Variants in SLC9A9 observed in about 807,000 individuals in gnomAD.
SLC9A9 encodes the protein sodium/hydrogen exchanger 9.
Under a neutral mutation model 77.8 loss-of-function variants are expected in SLC9A9, and 62 were observed. The observed-to-expected ratio is 0.80, with a 90% confidence interval of 0.65 to 0.98. SLC9A9 has a LOEUF of 0.98. Among genes scored for constraint, SLC9A9 ranks in the 50% least tolerant of loss-of-function variants. The probability of loss-of-function intolerance (pLI) is 0.00; values close to 1 mark genes in which losing one functional copy is unlikely to be tolerated. For missense variants in SLC9A9, 775 were observed against 774.9 expected, an observed-to-expected ratio of 1.00 and a Z score of 0.00; for synonymous variants, 320 against 283.5, an observed-to-expected ratio of 1.13 and a Z score of -1.29.
At chr3:143,400,409 ATTATT>A (rs981398551) in intron 12 of SLC9A9, among the ~76,000 whole-genome samples, 2 of 152,184 alleles carry the variant, frequency 1.3e-5, no homozygotes, top group Non-Finnish European at 1.5e-5. Flanking sequence ...ACTGGAAACT[ATTATT>A]TTAAGAGAAG....
At chr3:143,595,856 G>A (rs550264824) in intron 6 of SLC9A9, among the ~76,000 whole-genome samples, 1 of 152,202 alleles carries the variant, frequency 6.6e-6, no homozygotes, top group Non-Finnish European at 1.5e-5. Flanking sequence ...TGAGGAACAG[G>A]TTTGGCAGCA....
intron 4 of SLC9A9, among the ~76,000 whole-genome samples, chr3:143,701,736 G>C (rs1317833902): frequency 6.6e-6 from 1 of 152,004 alleles, no homozygotes; most frequent in African/African-American, 2.4e-5. Context: ...AGAGATAGAG[G>C]TAGAATATTT....
chr3:143,358,066 TAAATCTATTA>T (rs1422175264), intron 14 of SLC9A9, among the ~76,000 whole-genome samples: 1 of 151,752 alleles, frequency 6.6e-6, no homozygotes, highest in Non-Finnish European at 1.5e-5. Context: ...CCATTTCATT[TAAATCTATTA>T]AATACGTGGT....
At chr3:143,574,891 T>C (rs1361519043) in intron 7 of SLC9A9, among the ~76,000 whole-genome samples, 1 of 152,000 alleles carries the variant, frequency 6.6e-6, no homozygotes, top group Non-Finnish European at 1.5e-5. Context: ...TGATTAGGAG[T>C]ACGTGATCGA....
chr3:143,695,807 AAGC>A (rs1933620881), intron 4 of SLC9A9, among the ~76,000 whole-genome samples: 1 of 151,610 alleles, frequency 6.6e-6, no homozygotes, highest in Non-Finnish European at 1.5e-5. Flanking sequence ...AACAGTGTAA[AAGC>A]AGCTGTTGTT....
rs182068828 is a variant in SLC9A9 at position 143,817,409 on chromosome 3, A to G, written c.378+14610T>C. 9.7e-4 allele frequency among the ~76,000 whole-genome samples: 148 copies of G among 152,002 alleles called. 1 individual carries two copies. The highest frequency in any genetic ancestry group is 3.4e-3 in the African/African-American group (142 of 41,498). The stretch of plus-strand genomic sequence containing the variant: ...ATGATCCACCCGCCTCGGCCTCCCA[A>G]AGTGCTGGGATTACAGGCGTGAGCC... On this transcript the variant is annotated intron_variant, in intron 2 of 15. Coordinates refer to ENST00000316549, the MANE Select transcript of SLC9A9 (RefSeq NM_173653.4).
At chr3:143,757,889 G>A (rs1340691999) in intron 4 of SLC9A9, among the ~76,000 whole-genome samples, 1 of 152,130 alleles carries the variant, frequency 6.6e-6, no homozygotes, top group African/African-American at 2.4e-5. Context: ...GGAGGAGAAG[G>A]AAAGATCAAA....
intron 4 of SLC9A9, among the ~76,000 whole-genome samples, chr3:143,791,698 T>C (rs1192817694): frequency 2.6e-5 from 4 of 152,208 alleles, no homozygotes; most frequent in African/African-American, 9.6e-5. Context: ...CTGCCCAGGA[T>C]CCACTTCCTC....
chr3:143,719,131 A>ATC (rs1210435436), intron 4 of SLC9A9, among the ~76,000 whole-genome samples: 2 of 152,160 alleles, frequency 1.3e-5, no homozygotes, highest in Non-Finnish European at 1.5e-5. Flanking sequence ...GAGAAGCTTT[A>ATC]TCTGTGGGCA....
At chr3:143,517,793 C>A in intron 9 of SLC9A9, 1 of 1,599,418 alleles carries the variant, frequency 6.3e-7, no homozygotes, top group Non-Finnish European at 8.5e-7. Context: ...AATGGCCAAG[C>A]AAGGATTCAG....
intron 6 of SLC9A9, among the ~76,000 whole-genome samples, chr3:143,615,884 CTT>C (rs71140444): frequency 0.014 from 1,974 of 141,420 alleles, 39 homozygotes; most frequent in African/African-American, 0.048. Context: ...CTTTAAATTT[CTT>C]TTTTTTTTTT....
At chr3:143,704,368 A>T (rs1328180933) in intron 4 of SLC9A9, among the ~76,000 whole-genome samples, 1 of 152,218 alleles carries the variant, frequency 6.6e-6, no homozygotes, top group Non-Finnish European at 1.5e-5. Context: ...TGAAAACATC[A>T]TTCATCATGA....
intron 11 of SLC9A9, among the ~76,000 whole-genome samples, chr3:143,491,905 G>A (rs576661131): frequency 6.6e-6 from 1 of 152,214 alleles, no homozygotes; most frequent in East Asian, 1.9e-4. Flanking sequence ...CCCAATGCTG[G>A]CTTCCCATTT....
At chr3:143,574,003 C>T (rs1426774878) in intron 8 of SLC9A9, 85 bp downstream of exon 8, 2 of 1,183,460 alleles carry the variant, frequency 1.7e-6, no homozygotes, top group Non-Finnish European at 2.5e-6. Flanking sequence ...CTTCATTTCA[C>T]CTCCTGCTAG....
intron 11 of SLC9A9, among the ~76,000 whole-genome samples, chr3:143,491,353 T>G (rs1382002895): frequency 3.3e-5 from 5 of 152,182 alleles, no homozygotes; most frequent in Non-Finnish European, 5.9e-5. Context: ...ATAGTAATAT[T>G]TTATTTTTTA....
At chr3:143,573,012 T>C (rs994312541) in intron 8 of SLC9A9, among the ~76,000 whole-genome samples, 4 of 152,146 alleles carry the variant, frequency 2.6e-5, no homozygotes, top group Non-Finnish European at 5.9e-5. Context: ...GGCTCTAAAA[T>C]TGAATTTCCT....
chr3:143,752,771 A>T (rs1358580332), intron 4 of SLC9A9, among the ~76,000 whole-genome samples: 1 of 151,804 alleles, frequency 6.6e-6, no homozygotes, highest in Non-Finnish European at 1.5e-5. Flanking sequence ...TAGGTAGAAC[A>T]TTGTTAAAAT....
chr3:143,343,364 T>G (rs780382226), intron 14 of SLC9A9: 13 of 152,108 alleles, frequency 8.5e-5, no homozygotes, highest in Non-Finnish European at 1.8e-4. Flanking sequence ...AGCGTGGGAA[T>G]GGAGGATGAG....
At chr3:143,641,479 T>C (rs540103971) in intron 6 of SLC9A9, among the ~76,000 whole-genome samples, 71 of 140,986 alleles carry the variant, frequency 5.0e-4, no homozygotes, top group African/African-American at 1.8e-3. Flanking sequence ...CTGCAAGCTC[T>C]GCCTCCCGGG....
Sources: allele counts gnomAD v4.1 joint callset (sites outside exome capture counted in the v4.1 genomes callset), GRCh38; gene constraint gnomAD v4.1.1; transcripts MANE v1.5; gene names NCBI Gene and HGNC (gene_info 2026-07-23, HGNC 2026-07-21).